The following SRGAP2C variants were observed in gnomAD, a reference collection of about 807,000 sequenced individuals.
SRGAP2C encodes SLIT-ROBO Rho GTPase-activating protein 2C.
Under a neutral mutation model 25.1 loss-of-function variants are expected in SRGAP2C, and 15 were observed. The ratio of observed to expected loss-of-function variants is 0.60; its 90% confidence interval spans 0.40 to 0.92. The LOEUF is 0.92. Among genes scored for constraint, SRGAP2C ranks in the 40% least tolerant of loss-of-function variants. The pLI is 0.00. For synonymous variants in SRGAP2C, 44 were observed against 96.6 expected (o/e 0.46, Z 3.19); for missense variants, 144 against 264.4 (o/e 0.54, Z 3.16).
At chr1:121,340,794 C>A (rs1431551112) in intron 4 of SRGAP2C, among the ~76,000 whole-genome samples, 1 of 150,048 alleles carries the variant, frequency 6.7e-6, no homozygotes, top group African/African-American at 2.5e-5. Flanking sequence ...TTGAGGATTT[C>A]CATATTATCT....
At chr1:121,221,734 AT>A (rs1298437762) in intron 2 of SRGAP2C, among the ~76,000 whole-genome samples, 1 of 124,808 alleles carries the variant, frequency 8.0e-6, no homozygotes, top group African/African-American at 3.3e-5. Context: ...AAAAAAAAAC[AT>A]TGACTGGTCT....
intron 3 of SRGAP2C, among the ~76,000 whole-genome samples, chr1:121,297,621 A>T (rs1375239134): frequency 6.6e-6 from 1 of 151,118 alleles, no homozygotes; most frequent in East Asian, 1.9e-4. Context: ...TTATCAGGAA[A>T]AGTCAATCCT....
chr1:121,278,981 T>A (rs1227099265), intron 2 of SRGAP2C, among the ~76,000 whole-genome samples: 11 of 152,140 alleles, frequency 7.2e-5, no homozygotes, highest in Non-Finnish European at 1.3e-4. Context: ...GGAATTAATA[T>A]TCCTGAGATG....
intron 2 of SRGAP2C, among the ~76,000 whole-genome samples, chr1:121,259,453 C>A (rs1186011410): frequency 8.7e-6 from 1 of 114,368 alleles, no homozygotes; most frequent in East Asian, 2.9e-4. Flanking sequence ...GCACTCCAGC[C>A]TGGGTGACAG....
intron 3 of SRGAP2C, among the ~76,000 whole-genome samples, chr1:121,285,464 T>G (rs1187502972): frequency 7.4e-4 from 111 of 149,422 alleles, no homozygotes; most frequent in African/African-American, 2.5e-3. Context: ...AGAGCTGGAA[T>G]TGGGCTGCAG....
chr1:121,235,244 T>C (rs1334571432), intron 2 of SRGAP2C, among the ~76,000 whole-genome samples: 2 of 39,158 alleles, frequency 5.1e-5, no homozygotes, highest in African/African-American at 2.3e-4. Context: ...TTAACCAGGA[T>C]GGTATCGATC....
chr1:121,210,057 A>G (rs1232426358), intron 2 of SRGAP2C, among the ~76,000 whole-genome samples: 16 of 151,494 alleles, frequency 1.1e-4, no homozygotes, highest in Middle Eastern at 3.4e-3. Context: ...AGTCTTGTTG[A>G]TAGTTTGGAG....
chr1:121,335,919 G>T (rs1553342446), intron 4 of SRGAP2C, among the ~76,000 whole-genome samples: 2 of 152,004 alleles, frequency 1.3e-5, no homozygotes, highest in Non-Finnish European at 2.9e-5. Context: ...CCTCTGAAGA[G>T]TATGAAGTTT....
intron 4 of SRGAP2C, among the ~76,000 whole-genome samples, chr1:121,364,003 G>A (rs1211354777): frequency 2.0e-5 from 3 of 150,380 alleles, no homozygotes; most frequent in African/African-American, 7.3e-5. Context: ...AGAGATGTAT[G>A]TACCTTGAAA....
At chr1:121,343,070 C>T (rs1658666944) in intron 4 of SRGAP2C, among the ~76,000 whole-genome samples, 1 of 151,470 alleles carries the variant, frequency 6.6e-6, no homozygotes, top group Admixed American at 6.6e-5. Context: ...AATAACTGTT[C>T]ATTAGACTCA....
chr1:121,294,611 G>A (rs1657558025), intron 3 of SRGAP2C, among the ~76,000 whole-genome samples: 1 of 80,594 alleles, frequency 1.2e-5, no homozygotes. Context: ...TTTTTAAATA[G>A]ACTTCCTGTA....
chr1:121,204,265 C>T (rs1165620485), intron 2 of SRGAP2C, among the ~76,000 whole-genome samples: 1 of 151,814 alleles, frequency 6.6e-6, no homozygotes, highest in Non-Finnish European at 1.5e-5. Context: ...ATTTCTCTCC[C>T]TTTGGACTGA....
chr1:121,198,665 C>A (rs1165171981), intron 2 of SRGAP2C, among the ~76,000 whole-genome samples: 1 of 149,200 alleles, frequency 6.7e-6, no homozygotes, highest in Non-Finnish European at 1.5e-5. Context: ...TTCCTTTCCC[C>A]ATTAGATTTT....
In SRGAP2C at chr1:121,374,982, G is replaced by A. The variant is rs782624423; in HGVS notation, c.831+28G>A. ...AAGTGCTTAAAGCCAAGGGCCTGAG[G>A]GCCCCTCTTTTCTGGTTTCAGAATA... On this transcript the variant is annotated intron_variant, in intron 7 of 9. Transcript: ENST00000367123. 5.2e-6 allele frequency: 4 copies of A among 770,052 alleles called. No individual in the cohort carries two copies. The South Asian group carries it at 5.5e-5, about 11-fold the overall frequency. The allele number at this position is 770,052 out of a possible 1,614,324, so 47.7% of individuals were successfully genotyped here. A position where few individuals can be genotyped will look rare whatever the true frequency, so the allele number is the denominator to read the frequency against.
chr1:121,329,930 C>A (rs1281743604), intron 4 of SRGAP2C, among the ~76,000 whole-genome samples: 1 of 151,604 alleles, frequency 6.6e-6, no homozygotes, highest in Non-Finnish European at 1.5e-5. Flanking sequence ...GTCTGTCTAA[C>A]CTCTGTTGGA....
intron 3 of SRGAP2C, chr1:121,315,146 C>G: frequency 1.0e-5 from 4 of 391,662 alleles, no homozygotes; most frequent in Middle Eastern, 7.2e-4. Flanking sequence ...ACCTCCGTCT[C>G]TATTTATTTA....
intron 2 of SRGAP2C, among the ~76,000 whole-genome samples, chr1:121,222,775 A>G (rs1655563141): frequency 2.0e-5 from 3 of 152,138 alleles, no homozygotes; most frequent in African/African-American, 2.4e-5. Context: ...CCTTGTTTTC[A>G]TTTATGCAGA....
intron 2 of SRGAP2C, among the ~76,000 whole-genome samples, chr1:121,206,453 C>T (rs1463292110): frequency 6.6e-6 from 1 of 152,158 alleles, no homozygotes; most frequent in Non-Finnish European, 1.5e-5. Context: ...TGGCTTCATA[C>T]TGGGGCAACA....
chr1:121,309,412 C>A (rs1383923540), intron 3 of SRGAP2C, among the ~76,000 whole-genome samples: 1 of 132,896 alleles, frequency 7.5e-6, no homozygotes, highest in Non-Finnish European at 1.6e-5. Context: ...ACTACAACTA[C>A]ACTGAATCAT....
Sources: allele counts gnomAD v4.1 joint callset (sites outside exome capture counted in the v4.1 genomes callset), GRCh38; gene constraint gnomAD v4.1.1; transcripts MANE v1.5; gene names NCBI Gene and HGNC (gene_info 2026-07-23, HGNC 2026-07-21).